POPDC2: variants seen among roughly 807,000 people sequenced by gnomAD.
POPDC2 encodes the protein popeye domain cAMP effector 2, also known as popeye domain-containing protein 2.
Under a neutral mutation model 30.5 loss-of-function variants are expected in POPDC2, and 24 were observed. That is an observed-to-expected ratio of 0.79 (90% confidence interval 0.57 to 1.11). The LOEUF is 1.11. Ranked by LOEUF, POPDC2 falls within the 50% of genes least tolerant of loss-of-function variation. POPDC2 has a pLI of 0.00. For synonymous variants in POPDC2, 185 were observed against 183.3 expected (o/e 1.01, Z -0.07); for missense variants, 409 against 447.0 (o/e 0.91, Z 0.77).
At chr3:119,655,515 G>A (rs1290492895) in intron 1 of POPDC2, among the ~76,000 whole-genome samples, 1 of 152,156 alleles carries the variant, frequency 6.6e-6, no homozygotes, top group Non-Finnish European at 1.5e-5. Context: ...AGTTCTGTTG[G>A]ATCCGCTGCT....
intron 3 of POPDC2, among the ~76,000 whole-genome samples, chr3:119,644,554 G>C (rs2052724545): frequency 6.6e-6 from 1 of 152,204 alleles, no homozygotes; most frequent in South Asian, 2.1e-4. Context: ...GGTACCACCA[G>C]ACTAAAAAAC....
chr3:119,645,499 C>G (rs2107812877), intron 3 of POPDC2, among the ~76,000 whole-genome samples: 1 of 145,660 alleles, frequency 6.9e-6, no homozygotes, highest in East Asian at 2.0e-4. Flanking sequence ...GGAGGCGGAG[C>G]TTGCAGTGAG....
chr3:119,653,973 T>C (rs2052847262), intron 2 of POPDC2, among the ~76,000 whole-genome samples: 1 of 139,864 alleles, frequency 7.1e-6, no homozygotes, highest in Non-Finnish European at 1.6e-5. Context: ...ACAGGAGTGC[T>C]AGGCTGTGGG....
intron 3 of POPDC2, among the ~76,000 whole-genome samples, chr3:119,643,178 A>C (rs1322887674): frequency 6.6e-6 from 1 of 152,222 alleles, no homozygotes; most frequent in Non-Finnish European, 1.5e-5. Flanking sequence ...TGAGAAAAGC[A>C]CTGTTTGCTA....
intron 2 of POPDC2, among the ~76,000 whole-genome samples, chr3:119,652,464 C>G (rs1181091729): frequency 6.6e-6 from 1 of 152,180 alleles, no homozygotes; most frequent in East Asian, 1.9e-4. Context: ...ATGTGTGGCT[C>G]TCATTACTCC....
chr3:119,647,458 C>T (rs1342804628), intron 3 of POPDC2, among the ~76,000 whole-genome samples: 1 of 152,224 alleles, frequency 6.6e-6, no homozygotes, highest in Non-Finnish European at 1.5e-5. Context: ...GATTTATGCA[C>T]ATCCTACCTC....
At chr3:119,654,673 T>TTCAGCATAGGTG in intron 1 of POPDC2, 60 bp from the exon 2 acceptor site, 1 of 1,225,844 alleles carries the variant, frequency 8.2e-7, no homozygotes, top group Non-Finnish European at 1.2e-6. Context: ...AAGCCACCTA[T>TTCAGCATAGGTG]GCTGAAGTTA....
Position 119,659,090 on chromosome 3 carries a change from G to A in POPDC2, c.491+843C>T, listed in dbSNP as rs147605653. On this transcript the variant is annotated intron_variant, in intron 1 of 3. Transcript: ENST00000493094. ...TACTAAGTGTGTAGCACAGAGCCCCGTGATGTTTTCTCAGAAGAAATCAAT... is the reference window on the plus strand; with the variant it reads ...TACTAAGTGTGTAGCACAGAGCCCCATGATGTTTTCTCAGAAGAAATCAAT... Among the ~76,000 whole-genome samples, 247 of 152,252 alleles carry A rather than the reference G, an allele frequency of 1.6e-3. 1 individual carries two copies. Among genetic ancestry groups the A allele is most frequent in the African/African-American group, 5.7e-3 (238 of 41,544 alleles).
Position 119,659,951 on chromosome 3 carries a change from G to C in POPDC2, c.473C>G (p.Ser158Cys). Residue 158 changes from serine (S) to cysteine (C), a missense_variant, in exon 1 of 4, where the codon TCC becomes TGC. By Grantham distance (112) the Ser-to-Cys change is moderately radical. Coordinates refer to ENST00000493094, the MANE Select transcript of POPDC2 (RefSeq NM_001369919.2). ...AGCTTACCGGCCAGAGAGCAGCAGG[G>C]ACAGGCGGTTGATGGGTGTCTCACC... ...VEGETPINRL[S>C]LLLSGRVRVS... The C allele has an allele frequency of 1.3e-6, 2 of 1,594,750 alleles. No individual in the cohort carries two copies. Among genetic ancestry groups the C allele is most frequent in the Non-Finnish European group, 1.7e-6 (2 of 1,165,622 alleles).
At chr3:119,653,997 A>AG (rs35946682) in intron 2 of POPDC2, among the ~76,000 whole-genome samples, 84,082 of 151,850 alleles carry the variant, frequency 0.55, 24,391 homozygotes, top group East Asian at 0.73. Context: ...GAAGCTGGTG[A>AG]GGCTGTGGGG....
intron 2 of POPDC2, among the ~76,000 whole-genome samples, chr3:119,649,937 A>G (rs2052790617): frequency 6.6e-6 from 1 of 152,200 alleles, no homozygotes; most frequent in Admixed American, 6.5e-5. Flanking sequence ...CGAGGCCAGA[A>G]GTGGTTTCAT....
At chr3:119,652,636 A>G (rs1286629731) in intron 2 of POPDC2, among the ~76,000 whole-genome samples, 7 of 152,182 alleles carry the variant, frequency 4.6e-5, no homozygotes, top group Non-Finnish European at 8.8e-5. Context: ...TGTCAGAAAG[A>G]GGCCTGGTCC....
intron 2 of POPDC2, among the ~76,000 whole-genome samples, chr3:119,652,505 G>A (rs578214381): frequency 2.0e-5 from 3 of 152,180 alleles, no homozygotes; most frequent in Non-Finnish European, 2.9e-5. Context: ...AATATAAATG[G>A]GAGGAACATG....
At chr3:119,642,675 CTG>C in intron 3 of POPDC2, 114 bp from the exon 4 acceptor site, 1 of 652,978 alleles carries the variant, frequency 1.5e-6, no homozygotes, top group South Asian at 1.8e-5. Flanking sequence ...AATGTTTTAA[CTG>C]TACTCACTGC....
At chr3:119,650,584 C>A (rs542718687) in intron 2 of POPDC2, among the ~76,000 whole-genome samples, 1 of 152,262 alleles carries the variant, frequency 6.6e-6, no homozygotes, top group South Asian at 2.1e-4. Flanking sequence ...CACTCCTTGC[C>A]CAATCTCATG....
At chr3:119,653,192 G>C (rs2052835392) in intron 2 of POPDC2, among the ~76,000 whole-genome samples, 1 of 152,184 alleles carries the variant, frequency 6.6e-6, no homozygotes, top group South Asian at 2.1e-4. Context: ...CAAATTACTT[G>C]ATGTTTTTGG....
intron 2 of POPDC2, among the ~76,000 whole-genome samples, chr3:119,652,605 C>T (rs1460183198): frequency 6.6e-6 from 1 of 152,200 alleles, no homozygotes; most frequent in Non-Finnish European, 1.5e-5. Flanking sequence ...GGCTTACCCA[C>T]CACCTGTTCC....
At chr3:119,646,406 G>A (rs1460357858) in intron 3 of POPDC2, among the ~76,000 whole-genome samples, 1 of 152,144 alleles carries the variant, frequency 6.6e-6, no homozygotes, top group East Asian at 1.9e-4. Flanking sequence ...CAAGGCAGGA[G>A]GATTATTTGA....
chr3:119,655,558 T>A (rs2052869875), intron 1 of POPDC2, among the ~76,000 whole-genome samples: 1 of 152,214 alleles, frequency 6.6e-6, no homozygotes, highest in Non-Finnish European at 1.5e-5. Context: ...TCCCATTAGC[T>A]ACATGAAGAT....
Sources: allele counts gnomAD v4.1 joint callset (sites outside exome capture counted in the v4.1 genomes callset), GRCh38; gene constraint gnomAD v4.1.1; transcripts MANE v1.5; gene names NCBI Gene and HGNC (gene_info 2026-07-23, HGNC 2026-07-21).